The following TMEM51 variants were observed in gnomAD, a reference collection of about 807,000 sequenced individuals.
TMEM51 encodes the protein transmembrane protein 51.
In TMEM51, 8 loss-of-function variants were observed where a neutral mutation model predicts 13.6. That is an observed-to-expected ratio of 0.59 (90% CI 0.35 to 1.07). The LOEUF (loss-of-function observed/expected upper bound fraction) is 1.07, where lower values mean the gene tolerates loss of function less well. TMEM51 is among the 50% of genes least tolerant of loss of function. The pLI, the probability that TMEM51 is intolerant of heterozygous loss-of-function variation, is 0.02. For synonymous variants in TMEM51, 147 were observed against 144.4 expected (o/e 1.02, Z -0.13); for missense variants, 279 against 330.7 (o/e 0.84, Z 1.21).
chr1:15,194,872 A>C (rs554198585), intron 1 of TMEM51, among the ~76,000 whole-genome samples: 62 of 151,748 alleles, frequency 4.1e-4, no homozygotes, highest in African/African-American at 1.4e-3. Flanking sequence ...ACCTGCAGCA[A>C]CACTATCCAA....
rs1172152641 is a variant in TMEM51, at chr1:15,219,629, T to C, written c.648T>C (p.Phe216=). The C allele has an allele frequency of 6.2e-7, 1 of 1,614,020 alleles. No individual in the cohort carries two copies. Among genetic ancestry groups the C allele is most frequent in the East Asian group, 2.2e-5 (1 of 44,880 alleles). The change falls in exon 4 of 4, where the codon TTT becomes TTC. Residue 216 remains phenylalanine (F), a synonymous_variant. Transcript: ENST00000376008. ...IKSEKLHLKD[F]RINLPDKNVP... ...CTGAAAAGCTTCACCTCAAAGACTT[T>C]AGGATCAACCTCCCAGACAAAAACG...
intron 1 of TMEM51, among the ~76,000 whole-genome samples, chr1:15,182,958 T>C (rs917540597): frequency 6.6e-6 from 1 of 152,218 alleles, no homozygotes; most frequent in African/African-American, 2.4e-5. Flanking sequence ...AGATGGAGTT[T>C]CACCATGTTG....
At chr1:15,167,583 G>A (rs183781955) in intron 1 of TMEM51, among the ~76,000 whole-genome samples, 1 of 152,288 alleles carries the variant, frequency 6.6e-6, no homozygotes, top group African/African-American at 2.4e-5. Context: ...GTATGTGAGT[G>A]TATGTTTATC....
chr1:15,203,512 C>T (rs547010491), intron 1 of TMEM51, among the ~76,000 whole-genome samples: 1 of 152,128 alleles, frequency 6.6e-6, no homozygotes, highest in South Asian at 2.1e-4. Context: ...CCACCCGCAT[C>T]GGCTTCCCAA....
chr1:15,171,189 G>C, intron 1 of TMEM51: 1 of 1,302,916 alleles, frequency 7.7e-7, no homozygotes, highest in Non-Finnish European at 1.0e-6. Flanking sequence ...ACCAGCTCCT[G>C]GGTGACGCTG....
At chr1:15,215,904 G>A (rs1000513338) in intron 3 of TMEM51, among the ~76,000 whole-genome samples, 6 of 152,270 alleles carry the variant, frequency 3.9e-5, no homozygotes, top group African/African-American at 1.4e-4. Flanking sequence ...GCACATGCCT[G>A]TAGTCCCAGC....
At chr1:15,186,959 C>T (rs567611846) in intron 1 of TMEM51, among the ~76,000 whole-genome samples, 2 of 152,272 alleles carry the variant, frequency 1.3e-5, no homozygotes, top group East Asian at 3.9e-4. Context: ...CTTGGGGAAA[C>T]CACTGGGAGG....
intron 1 of TMEM51, chr1:15,171,316 C>T: frequency 7.7e-7 from 1 of 1,303,884 alleles, no homozygotes; most frequent in African/African-American, 1.5e-5. Flanking sequence ...CTTCTATGAC[C>T]TATGAGATAA....
At chr1:15,173,913 A>G (rs1178467176) in intron 1 of TMEM51, among the ~76,000 whole-genome samples, 1 of 152,226 alleles carries the variant, frequency 6.6e-6, no homozygotes, top group African/African-American at 2.4e-5. Flanking sequence ...TCAAGAAAGC[A>G]AGTTGGAAGG....
chr1:15,217,863 G>A (rs962673577), intron 3 of TMEM51, among the ~76,000 whole-genome samples: 5 of 152,188 alleles, frequency 3.3e-5, no homozygotes, highest in African/African-American at 1.2e-4. Flanking sequence ...CTCTCACAGT[G>A]TTTAATATGG....
At chr1:15,194,951 C>A (rs1644018439) in intron 1 of TMEM51, among the ~76,000 whole-genome samples, 1 of 106,850 alleles carries the variant, frequency 9.4e-6, no homozygotes, top group African/African-American at 3.7e-5. Context: ...GAGACAGGGT[C>A]TTGCTGTGTG....
chr1:15,209,477 A>G (rs1230440916), intron 1 of TMEM51, among the ~76,000 whole-genome samples: 1 of 152,082 alleles, frequency 6.6e-6, no homozygotes, highest in Non-Finnish European at 1.5e-5. Flanking sequence ...AGAGCAACAT[A>G]TTGTTTGGTT....
At chr1:15,215,649 C>G (rs1227391569) in intron 3 of TMEM51, among the ~76,000 whole-genome samples, 1 of 152,220 alleles carries the variant, frequency 6.6e-6, no homozygotes, top group Non-Finnish European at 1.5e-5. Flanking sequence ...AAATGGATTA[C>G]AGGTAAACCA....
At chr1:15,160,183 C>A (rs1175973734) in intron 1 of TMEM51, among the ~76,000 whole-genome samples, 1 of 152,190 alleles carries the variant, frequency 6.6e-6, no homozygotes, top group Non-Finnish European at 1.5e-5. Flanking sequence ...CCTTATCCTA[C>A]CTTTTCCTGG....
intron 1 of TMEM51, among the ~76,000 whole-genome samples, chr1:15,193,131 G>C (rs77053126): frequency 3.6e-3 from 546 of 152,296 alleles, no homozygotes; most frequent in Non-Finnish European, 5.9e-3. Flanking sequence ...GGGCCCCTCT[G>C]GGGAGGAATC....
rs771541842 is a variant in TMEM51 at position 15,219,674 on chromosome 1, G to C, written c.693G>C (p.Glu231Asp). The C allele has an allele frequency of 2.5e-6, 4 of 1,613,812 alleles. No individual in the cohort carries two copies. The change falls in exon 4 of 4, where the codon GAG becomes GAC. Residue 231 changes from glutamate (E) to aspartate (D), a missense_variant. Coordinates refer to ENST00000376008, the MANE Select transcript of TMEM51 (RefSeq NM_001136218.2). Reference protein sequence around the residue: ...PDKNVPPPSIEPLTPPPQYDE... With the variant: ...PDKNVPPPSIDPLTPPPQYDE... ...AAAACGTCCCTCCTCCCTCGATAGA[G>C]CCTTTGACTCCTCCACCGCAGTATG...
At chr1:15,184,037 C>G (rs72642303) in intron 1 of TMEM51, among the ~76,000 whole-genome samples, 5,226 of 152,182 alleles carry the variant, frequency 0.034, 132 homozygotes, top group Non-Finnish European at 0.049. Flanking sequence ...TCTTTCCTTC[C>G]TTCCTTCCGC....
chr1:15,181,382 T>G (rs1453998616), intron 1 of TMEM51, among the ~76,000 whole-genome samples: 1 of 152,188 alleles, frequency 6.6e-6, no homozygotes, highest in Non-Finnish European at 1.5e-5. Context: ...TTTGAGGAAG[T>G]GACAGGATAG....
intron 1 of TMEM51, among the ~76,000 whole-genome samples, chr1:15,175,282 C>T (rs192852406): frequency 2.9e-4 from 44 of 152,274 alleles, no homozygotes; most frequent in Middle Eastern, 6.8e-3. Context: ...TGCCTGTAAT[C>T]CCAGCTATTC....
Sources: allele counts gnomAD v4.1 joint callset (sites outside exome capture counted in the v4.1 genomes callset), GRCh38; gene constraint gnomAD v4.1.1; transcripts MANE v1.5; gene names NCBI Gene and HGNC (gene_info 2026-07-23, HGNC 2026-07-21).